Variants in CLIP1 observed in about 807,000 individuals in gnomAD.
CLIP1 encodes the protein CAP-Gly domain-containing linker protein 1.
CLIP1 carries 66 observed loss-of-function variants against 161.6 expected under a neutral mutation model. That is an observed-to-expected ratio of 0.41 (90% CI 0.33 to 0.50). The LOEUF is 0.50. Among genes scored for constraint, CLIP1 ranks in the 20% least tolerant of loss-of-function variants. CLIP1 has a pLI of 0.27. For missense variants in CLIP1, 1,376 were observed against 1,702.0 expected, an observed-to-expected ratio of 0.81 and a Z score of 3.37; for synonymous variants, 598 against 626.2, an observed-to-expected ratio of 0.96 and a Z score of 0.67.
At chr12:122,389,243 C>T (rs1298039354) in intron 1 of CLIP1, among the ~76,000 whole-genome samples, 1 of 152,246 alleles carries the variant, frequency 6.6e-6, no homozygotes, top group African/African-American at 2.4e-5. Flanking sequence ...GATTCCACCA[C>T]ACTAGAAATC....
chr12:122,380,566 G>T lies in CLIP1; in HGVS notation c.-106-8C>A. ...TCAGTCTCTGGATTAAATCTGCAAAGAGAAAGAAATAAAAAGATTTTATAA... is the reference window on the plus strand; with the variant it reads ...TCAGTCTCTGGATTAAATCTGCAAATAGAAAGAAATAAAAAGATTTTATAA... On this transcript the variant is annotated splice_region_variant and splice_polypyrimidine_tract_variant and intron_variant, in intron 1 of 25. Coordinates refer to ENST00000620786, the MANE Select transcript of CLIP1 (RefSeq NM_001247997.2). 1 of 558,900 alleles carries T rather than the reference G, an allele frequency of 1.8e-6. No homozygotes were observed. 34.6% of individuals were successfully genotyped at this position (558,900 alleles called of 1,614,324 possible). A position where few individuals can be genotyped will look rare whatever the true frequency, so the allele number is the denominator to read the frequency against.
intron 5 of CLIP1, among the ~76,000 whole-genome samples, chr12:122,357,505 G>A (rs1472595590): frequency 3.4e-3 from 7 of 2,032 alleles, no homozygotes; most frequent in African/African-American, 0.013. Flanking sequence ...CAGGAGGGAG[G>A]TGGGGGGGGT....
rs541379258 is a variant in CLIP1, at chr12:122,362,218, C to G, written c.783-1037G>C. On this transcript the variant is annotated intron_variant, in intron 4 of 25. Transcript: ENST00000620786. ...CTGCCCACCTTGGCCTCCCAAAGTGCTGGGATTACAGGCGTGAGCCACCAT... is the reference window on the plus strand; with the variant it reads ...CTGCCCACCTTGGCCTCCCAAAGTGGTGGGATTACAGGCGTGAGCCACCAT... 2.6e-5 allele frequency among the ~76,000 whole-genome samples: 4 copies of G among 151,028 alleles called. No homozygotes were observed. In the East Asian group the frequency reaches 7.9e-4, roughly 30 times the overall value.
intron 19 of CLIP1, among the ~76,000 whole-genome samples, chr12:122,312,755 A>G (rs1033085036): frequency 6.6e-6 from 1 of 152,068 alleles, no homozygotes; most frequent in East Asian, 1.9e-4. Flanking sequence ...ACAGAGTGAC[A>G]CCCTGTCTCA....
At chr12:122,290,586 A>G (rs1332975987) in intron 20 of CLIP1, among the ~76,000 whole-genome samples, 2 of 152,214 alleles carry the variant, frequency 1.3e-5, no homozygotes, top group East Asian at 3.9e-4. Flanking sequence ...CAATGAATAT[A>G]TAAATGGACA....
At chr12:122,277,133 T>A (rs1643016417) in intron 24 of CLIP1, 1 of 153,834 alleles carries the variant, frequency 6.5e-6, no homozygotes, top group African/African-American at 2.4e-5. Flanking sequence ...CTAATTTTAT[T>A]TTTTGTAGAG....
rs1566150027 is a variant in CLIP1 at position 122,347,415 on chromosome 12, G to C, written c.1466C>G (p.Thr489Ser). The C allele has an allele frequency of 1.9e-6, 3 of 1,613,822 alleles. No homozygotes were observed. Among genetic ancestry groups the C allele is most frequent in the Non-Finnish European group, 2.5e-6 (3 of 1,179,730 alleles). The change falls in exon 10 of 26, where the codon ACC becomes AGC. Residue 489 changes from threonine (T) to serine (S), a missense_variant. By Grantham distance (58) the Thr-to-Ser change is moderately conservative (BLOSUM62 1). This residue lies in a region of CLIP1 where 948 missense variants were observed against 1,134.8 expected (regional missense o/e 0.84). Coordinates refer to ENST00000620786, the MANE Select transcript of CLIP1 (RefSeq NM_001247997.2). ...ELEQSLLFEK[T>S]KADKLQRELE... Reference sequence around the variant, plus strand: ...CTCCCTCTGGAGTTTGTCAGCTTTGGTCTTTTCAAAGAGCAGGCTCTGTTC... The same window carrying C: ...CTCCCTCTGGAGTTTGTCAGCTTTGCTCTTTTCAAAGAGCAGGCTCTGTTC...
At chr12:122,286,046 TTTTTAG>T (rs1206243345) in intron 21 of CLIP1, among the ~76,000 whole-genome samples, 1 of 152,060 alleles carries the variant, frequency 6.6e-6, no homozygotes, top group African/African-American at 2.4e-5. Context: ...TTAAGGTTTG[TTTTTAG>T]TTTTAGTTTT....
chr12:122,394,315 C>A (rs555324609), intron 1 of CLIP1, among the ~76,000 whole-genome samples: 1 of 151,516 alleles, frequency 6.6e-6, no homozygotes, highest in East Asian at 1.9e-4. Context: ...GGTGAAACCC[C>A]GTCTCTACTA....
intron 8 of CLIP1, among the ~76,000 whole-genome samples, chr12:122,351,630 C>G (rs1953041151): frequency 6.6e-6 from 1 of 152,102 alleles, no homozygotes; most frequent in African/African-American, 2.4e-5. Context: ...CCAGCAGACT[C>G]TAAAATTGTA....
chr12:122,404,914 A>AC (rs1186797216), intron 1 of CLIP1, among the ~76,000 whole-genome samples: 1 of 149,836 alleles, frequency 6.7e-6, no homozygotes, highest in African/African-American at 2.5e-5. Flanking sequence ...AAAAAAAACA[A>AC]AACAAAAAAA....
chr12:122,370,224 G>A (rs1954376682), intron 3 of CLIP1, among the ~76,000 whole-genome samples: 1 of 151,252 alleles, frequency 6.6e-6, no homozygotes, highest in South Asian at 2.1e-4. Flanking sequence ...TGTAGCTGAA[G>A]CAGAGTGAGA....
intron 24 of CLIP1, chr12:122,276,338 GGAA>G: frequency 8.3e-7 from 1 of 1,204,278 alleles, no homozygotes; most frequent in Non-Finnish European, 1.1e-6. Flanking sequence ...CTCCATTTCA[GGAA>G]GAAGAAAAAG....
In CLIP1 at chr12:122,378,126, G is replaced by A. The variant is rs145056961; in HGVS notation, c.86-166C>T. On this transcript the variant is annotated intron_variant, in intron 2 of 25. Transcript: ENST00000620786. ...TCTTTTGAGACAGTCTCGCTCTGTC[G>A]CCCAGGCTAGAATGCAGTGGTGTGA... Among the ~76,000 whole-genome samples the A allele has an allele frequency of 1.7e-4, 26 of 152,278 alleles. No individual in the cohort carries two copies. In the South Asian group the frequency reaches 2.1e-3, roughly 12 times the overall value.
intron 13 of CLIP1, 42 bp from the exon 14 acceptor site, chr12:122,334,152 T>A: frequency 8.0e-7 from 1 of 1,244,552 alleles, no homozygotes; most frequent in Non-Finnish European, 1.2e-6. Flanking sequence ...GTTTCATATT[T>A]AATAAGCTAT....
rs375797056 is a variant in CLIP1, at chr12:122,288,518, G to T, written c.3618C>A (p.Leu1206=). The T allele has an allele frequency of 2.7e-5, 43 of 1,607,334 alleles. No individual in the cohort carries two copies. The Middle Eastern group carries it at 4.9e-4, about 18-fold the overall frequency. The part of the protein sequence containing the change: ...HQKLEEERSV[L]NNQLLEMKKR... ...TTTTCATTTCTAACAACTGATTATT[G>T]AGCACAGATCTTTCTTCTTCCAGCT... is the stretch of plus-strand genomic sequence containing the variant. The change falls in exon 21 of 26, where the codon CTC becomes CTA. Residue 1206 remains leucine, a synonymous_variant. Transcript: ENST00000620786.
At chr12:122,397,967 A>C (rs908092943) in intron 1 of CLIP1, among the ~76,000 whole-genome samples, 8 of 151,496 alleles carry the variant, frequency 5.3e-5, no homozygotes, top group East Asian at 1.9e-4. Flanking sequence ...AAAAAAACAA[A>C]AAAAAAAGAA....
chr12:122,305,293 G>A (rs1566096257), intron 20 of CLIP1, among the ~76,000 whole-genome samples: 2 of 152,104 alleles, frequency 1.3e-5, no homozygotes, highest in African/African-American at 4.8e-5. Flanking sequence ...AAGAAAATAG[G>A]GGTAGACTAT....
chr12:122,348,704 C>T (rs910514099), intron 9 of CLIP1, among the ~76,000 whole-genome samples: 3 of 152,192 alleles, frequency 2.0e-5, no homozygotes, highest in African/African-American at 7.2e-5. Context: ...GGCCCACACC[C>T]GCAGGGCTGC....
Sources: gnomAD v4.1 joint callset for allele counts (sites outside exome capture counted in the v4.1 genomes callset) on GRCh38, gnomAD v4.1.1 for gene constraint, gnomAD v4.1.1 regional missense constraint, MANE v1.5 for transcripts, NCBI Gene and HGNC (gene_info 2026-07-23, HGNC 2026-07-21) for gene names.